The following HAUS4 variants were observed in gnomAD, a reference collection of about 807,000 sequenced individuals.
HAUS4 encodes the protein HAUS augmin like complex subunit 4.
A neutral mutation model predicts 50.6 loss-of-function variants in HAUS4; 34 were observed. The observed-to-expected ratio is 0.67, with a 90% CI of 0.51 to 0.90. The LOEUF is 0.90. Among genes scored for constraint, HAUS4 ranks in the 40% least tolerant of loss-of-function variants. The pLI, the probability that HAUS4 is intolerant of heterozygous loss-of-function variation, is 0.00. For missense variants in HAUS4, 370 were observed against 428.7 expected, an observed-to-expected ratio of 0.86 and a Z score of 1.21; for synonymous variants, 149 against 161.4, an observed-to-expected ratio of 0.92 and a Z score of 0.58.
In HAUS4 at chr14:22,952,392, T is replaced by C. The variant is rs760651785; in HGVS notation, c.266A>G (p.Gln89Arg). ...CACATAGTAGTCCACAAGCAACTCTTGAATGACTCTGTGTAAAATCTCAGA... is the reference window on the plus strand; with the variant it reads ...CACATAGTAGTCCACAAGCAACTCTCGAATGACTCTGTGTAAAATCTCAGA... ...LRSEILHRVI[Q>R]ELLVDYYVKI... is the part of the protein sequence containing the mutation. The change falls in exon 4 of 10, where the codon CAA becomes CGA. Residue 89 changes from glutamine to arginine, a missense_variant. Transcript: ENST00000541587. 2 of 1,614,086 alleles carry C rather than the reference T, an allele frequency of 1.2e-6. No individual in the cohort carries two copies. The highest frequency in any genetic ancestry group is 1.7e-6 in the Non-Finnish European group (2 of 1,179,928).
intron 2 of HAUS4, among the ~76,000 whole-genome samples, chr14:22,952,927 G>A (rs1051244050): frequency 2.0e-5 from 3 of 152,086 alleles, no homozygotes; most frequent in Non-Finnish European, 2.9e-5. Context: ...CTTAGGAAAC[G>A]GAAATGCAGT....
At chr14:22,947,452 G>T in intron 8 of HAUS4, 149 bp downstream of exon 8, 2 of 881,758 alleles carry the variant, frequency 2.3e-6, no homozygotes, top group Non-Finnish European at 3.5e-6. Context: ...GAAAGCTTTT[G>T]GGTAATCCAA....
rs2044768003 is a variant in HAUS4, at chr14:22,952,269, G to A, written c.330+59C>T. 4 of 1,407,346 alleles carry A rather than the reference G, an allele frequency of 2.8e-6. No individual in the cohort carries two copies. In the East Asian group the frequency reaches 6.9e-5, roughly 24 times the overall value. The allele number at this position is 1,407,346 out of a possible 1,614,324, so 87.2% of individuals were successfully genotyped here. ...TTGACCTCAAGTGATCAGCCTGCCT[G>A]GGGCTCCCAAAGTGCTGGGATTACA... On this transcript the variant is annotated intron_variant, in intron 4 of 9. Transcript: ENST00000541587.
rs959229010 is a variant in HAUS4 at position 22,955,099 on chromosome 14, C to T, written c.55+1G>A. On this transcript the variant is annotated splice_donor_variant, in intron 2 of 9. Coordinates refer to ENST00000541587, the MANE Select transcript of HAUS4 (RefSeq NM_001166269.2). LOFTEE classifies it high-confidence loss of function. ...AACCTTTTGCAAGTGGCTACTCTTA[C>T]CTTGTTGAAGTATTTCCATCCCTTC... is the stretch of plus-strand genomic sequence containing the variant. 2.5e-6 allele frequency: 4 copies of T among 1,605,560 alleles called. No individual in the cohort carries two copies. The highest frequency in any genetic ancestry group is 3.4e-6 in the Non-Finnish European group (4 of 1,172,130).
At position 22,947,707 on chromosome 14, in the gene HAUS4, G is replaced by A. The variant is rs778920166; in HGVS notation, c.733C>T (p.Leu245=). The A allele has an allele frequency of 6.2e-7, 1 of 1,614,100 alleles. No individual in the cohort carries two copies. The highest frequency in any genetic ancestry group is 8.5e-7 in the Non-Finnish European group (1 of 1,179,986). Residue 245 remains leucine, a synonymous_variant, in exon 8 of 10, where the codon CTG becomes TTG. Coordinates refer to ENST00000541587, the MANE Select transcript of HAUS4 (RefSeq NM_001166269.2). ...SQVLLRCLTL[L]QRLLQEHRLK... ...CGGTGTTCTTGAAGAAGCCTCTGCA[G>A]CAAAGTGAGGCAGCGGAGAAGCACC...
chr14:22,956,668 T>C (rs2044871751), intron 1 of HAUS4: 1 of 152,196 alleles, frequency 6.6e-6, no homozygotes, highest in Non-Finnish European at 1.5e-5. Flanking sequence ...GTCTTTTAAA[T>C]TCTTAGAGCT....
At chr14:22,949,759 G>A (rs1738538496) in intron 6 of HAUS4, among the ~76,000 whole-genome samples, 1 of 152,084 alleles carries the variant, frequency 6.6e-6, no homozygotes. Flanking sequence ...TGAACCTCCT[G>A]AGAGAACTCA....
intron 6 of HAUS4, 98 bp downstream of exon 6, chr14:22,950,216 C>A: frequency 1.6e-6 from 1 of 606,554 alleles, no homozygotes; most frequent in South Asian, 2.4e-5. Context: ...GGTTCTAAAC[C>A]TCTGTCCCAA....
chr14:22,950,472 C>T, intron 5 of HAUS4, 62 bp from the exon 6 acceptor site: 1 of 944,410 alleles, frequency 1.1e-6, no homozygotes. Context: ...ACGTCTCAGC[C>T]AATGAATACA....
At chr14:22,955,049 T>A (rs772640015) in intron 2 of HAUS4, 51 bp downstream of exon 2, 1 of 1,313,398 alleles carries the variant, frequency 7.6e-7, no homozygotes, top group South Asian at 1.2e-5. Context: ...AGAACCTGGA[T>A]AAGACCTCTC....
In HAUS4 at chr14:22,951,582, G is replaced by T; in HGVS notation, c.438C>A (p.Asp146Glu). 1.2e-6 allele frequency: 2 copies of T among 1,613,956 alleles called. No individual in the cohort carries two copies. Among genetic ancestry groups the T allele is most frequent in the South Asian group, 1.1e-5 (1 of 91,074 alleles). ...CTGAGAGTGGCATGAGTTCCAGAAG[G>T]TCCGCTTTCTCCAGCCCCAGCAGTG... ...IPPLLGLEKA[D>E]LLELMPLSED... Residue 146 changes from aspartate to glutamate, a missense_variant, in exon 5 of 10, where the codon GAC becomes GAA. Transcript: ENST00000541587.
rs1184914669 is a variant in HAUS4 at position 22,948,873 on chromosome 14, G to A, written c.563-860C>T. Reference sequence around the variant, plus strand: ...TTAAGTCATAGAAATGGTTTAAGGAGACCAAGTGTGGTAGCTCATGCCTGT... The same window carrying A: ...TTAAGTCATAGAAATGGTTTAAGGAAACCAAGTGTGGTAGCTCATGCCTGT... On this transcript the variant is annotated intron_variant, in intron 6 of 9. Transcript: ENST00000541587. Among the ~76,000 whole-genome samples the A allele has an allele frequency of 2.0e-5, 3 of 152,130 alleles. No individual in the cohort carries two copies. In the South Asian group the frequency reaches 6.2e-4, roughly 31 times the overall value.
At chr14:22,950,195 G>T in intron 6 of HAUS4, 119 bp downstream of exon 6, 1 of 445,666 alleles carries the variant, frequency 2.2e-6, no homozygotes, top group Non-Finnish European at 4.0e-6. Context: ...AAACAAATAA[G>T]CATCTCTGAT....
intron 2 of HAUS4, among the ~76,000 whole-genome samples, chr14:22,953,571 G>A (rs1210639889): frequency 6.7e-6 from 1 of 149,218 alleles, no homozygotes; most frequent in Non-Finnish European, 1.5e-5. Context: ...TCAGCCTCCC[G>A]AGTAGCTGGG....
In HAUS4 at chr14:22,946,286, C is replaced by T. The variant is rs377706019; in HGVS notation, c.*239G>A. On this transcript the variant is annotated 3_prime_UTR_variant, in exon 10 of 10. Coordinates refer to ENST00000541587, the MANE Select transcript of HAUS4 (RefSeq NM_001166269.2). ...AATCAAATACAATACAGGGCTGACA[C>T]TGACACACAGCTATGCATAAAAATT... The T allele has an allele frequency of 7.9e-6, 3 of 379,926 alleles. No individual in the cohort carries two copies. The highest frequency in any genetic ancestry group is 4.3e-5 in the Admixed American group (1 of 23,196). The allele number at this position is 379,926 out of a possible 1,614,324, so 23.5% of individuals were successfully genotyped here.
rs531225678 is a variant in HAUS4 at position 22,953,622 on chromosome 14, T to G, written c.56-939A>C. ...CACCATGCCTGGCTAATATTTTTTG[T>G]TTTTTGTTTTTTTTTTGAGACGGAG... On this transcript the variant is annotated intron_variant, in intron 2 of 9. Coordinates refer to ENST00000541587, the MANE Select transcript of HAUS4 (RefSeq NM_001166269.2). Among the ~76,000 whole-genome samples, 56 of 150,218 alleles carry G rather than the reference T, an allele frequency of 3.7e-4. 1 individual carries two copies. The South Asian group carries it at 0.011, about 30-fold the overall frequency.
At chr14:22,948,852 G>A (rs1420859010) in intron 6 of HAUS4, among the ~76,000 whole-genome samples, 1 of 151,840 alleles carries the variant, frequency 6.6e-6, no homozygotes, top group Non-Finnish European at 1.5e-5. Context: ...TAATTCTTAA[G>A]TCATAGAAAT....
rs569289618 is a variant in HAUS4 at position 22,952,293 on chromosome 14, C to G, written c.330+35G>C. 5 of 1,582,514 alleles carry G rather than the reference C, an allele frequency of 3.2e-6. No homozygotes were observed. The South Asian group carries it at 4.4e-5, about 14-fold the overall frequency. On this transcript the variant is annotated intron_variant, in intron 4 of 9. Transcript: ENST00000541587. Reference sequence around the variant, plus strand: ...TGGGGCTCCCAAAGTGCTGGGATTACAGGTGTTAGCCACCACGCCCAGCCT... The same window carrying G: ...TGGGGCTCCCAAAGTGCTGGGATTAGAGGTGTTAGCCACCACGCCCAGCCT...
In HAUS4 at chr14:22,947,687, T is replaced by G; in HGVS notation, c.753A>C (p.Glu251Asp). 6.2e-7 allele frequency: 1 copy of G among 1,614,142 alleles called. No homozygotes were observed. Among genetic ancestry groups the G allele is most frequent in the Non-Finnish European group, 8.5e-7 (1 of 1,179,988 alleles). The change falls in exon 8 of 10, where the codon GAA (glutamate) becomes GAC (aspartate). Residue 251 changes from glutamate to aspartate, a missense_variant. By Grantham distance (45) the Glu-to-Asp change is conservative. Transcript: ENST00000541587. ...GCTCGGATTGAGTCTTCAGCCGGTG[T>G]TCTTGAAGAAGCCTCTGCAGCAAAG... ...CLTLLQRLLQ[E>D]HRLKTQSELD...
Sources: allele counts gnomAD v4.1 joint callset (sites outside exome capture counted in the v4.1 genomes callset), GRCh38; gene constraint gnomAD v4.1.1; transcripts MANE v1.5; gene names NCBI Gene and HGNC (gene_info 2026-07-23, HGNC 2026-07-21).